Variants in NEK1 observed in about 807,000 individuals in gnomAD.
The protein encoded by NEK1 is NIMA related kinase 1.
In NEK1, 137 loss-of-function variants were observed where a neutral mutation model predicts 182.1. The observed-to-expected ratio is 0.75, with a 90% CI of 0.65 to 0.87. The LOEUF is 0.87. Ranked by LOEUF, NEK1 falls within the 40% of genes least tolerant of loss-of-function variation. The pLI is 0.00. For missense variants in NEK1, 1,391 were observed against 1,494.4 expected, an observed-to-expected ratio of 0.93 and a Z score of 1.14; for synonymous variants, 513 against 492.2, an observed-to-expected ratio of 1.04 and a Z score of -0.56.
intron 31 of NEK1, among the ~76,000 whole-genome samples, chr4:169,419,968 A>C (rs773638458): frequency 6.6e-6 from 1 of 152,202 alleles, no homozygotes; most frequent in Non-Finnish European, 1.5e-5. Context: ...TAAGCCAGTG[A>C]GTGAGTGGTG....
intron 18 of NEK1, 124 bp downstream of exon 18, chr4:169,555,596 A>T (rs1174792380): frequency 3.8e-6 from 5 of 1,305,258 alleles, no homozygotes; most frequent in African/African-American, 1.5e-5. Flanking sequence ...TATTGTACCC[A>T]AGAGGCAAAA....
intron 12 of NEK1, 69 bp from the exon 13 acceptor site, chr4:169,562,265 C>T (rs1763035029): frequency 3.7e-6 from 4 of 1,092,352 alleles, no homozygotes; most frequent in Admixed American, 5.3e-5. Context: ...CCCAAATTTA[C>T]AGAAATTTAA....
chr4:169,408,832 A>G (rs183455646), intron 31 of NEK1, among the ~76,000 whole-genome samples: 1 of 152,344 alleles, frequency 6.6e-6, no homozygotes, highest in African/African-American at 2.4e-5. Flanking sequence ...GTAGTCTTCC[A>G]AGGTACGTAT....
At chr4:169,590,985 T>C (rs1202308044) in intron 5 of NEK1, among the ~76,000 whole-genome samples, 176 bp from the exon 6 acceptor site, 1 of 152,168 alleles carries the variant, frequency 6.6e-6, no homozygotes, top group African/African-American at 2.4e-5. Context: ...CTGCACATAC[T>C]AAATCCAAAA....
intron 10 of NEK1, among the ~76,000 whole-genome samples, chr4:169,582,088 T>C (rs1307464830): frequency 1.3e-5 from 2 of 152,172 alleles, no homozygotes; most frequent in African/African-American, 4.8e-5. Flanking sequence ...AAAACTATGA[T>C]ACCAACAAAG....
chr4:169,436,867 C>A (rs898779656), intron 28 of NEK1, among the ~76,000 whole-genome samples: 11 of 152,228 alleles, frequency 7.2e-5, no homozygotes, highest in African/African-American at 2.7e-4. Flanking sequence ...TTACAGTATC[C>A]TCATAGATAA....
At chr4:169,527,738 T>C (rs1757089764) in intron 19 of NEK1, among the ~76,000 whole-genome samples, 1 of 151,516 alleles carries the variant, frequency 6.6e-6, no homozygotes, top group Non-Finnish European at 1.5e-5. Context: ...AGCAGGGAAA[T>C]GGAAAGAGAG....
intron 31 of NEK1, among the ~76,000 whole-genome samples, chr4:169,410,310 T>C (rs1733449592): frequency 6.6e-6 from 1 of 152,200 alleles, no homozygotes; most frequent in South Asian, 2.1e-4. Flanking sequence ...CTTCAGTTTT[T>C]ATTGCTGGTT....
intron 31 of NEK1, among the ~76,000 whole-genome samples, chr4:169,416,149 C>G (rs941480514): frequency 1.3e-5 from 2 of 152,204 alleles, no homozygotes; most frequent in Non-Finnish European, 2.9e-5. Flanking sequence ...ATCTGAGTTA[C>G]TAAGAACTAG....
rs1032625121 is a variant in NEK1 at position 169,401,820 on chromosome 4, C to T, written c.3415G>A (p.Ala1139Thr). ...ETDTDLQELQ[A>T]SMEQLLREQP... Reference sequence around the variant, plus strand: ...TCCCTAAGTAACTGTTCCATCGAGGCCTGCAGCTCTTGTAAATCTGTGTCA... The same window carrying T: ...TCCCTAAGTAACTGTTCCATCGAGGTCTGCAGCTCTTGTAAATCTGTGTCA... The change falls in exon 33 of 36, where the codon GCC becomes ACC. Residue 1139 changes from alanine (A) to threonine (T), a missense_variant. Coordinates refer to ENST00000507142, the MANE Select transcript of NEK1 (RefSeq NM_001199397.3). 8.7e-6 allele frequency: 14 copies of T among 1,613,256 alleles called. No individual in the cohort carries two copies. In the African/African-American group the frequency reaches 1.6e-4, roughly 18 times the overall value.
chr4:169,404,944 A>C (rs1349842397), intron 32 of NEK1, among the ~76,000 whole-genome samples: 1 of 152,194 alleles, frequency 6.6e-6, no homozygotes, highest in African/African-American at 2.4e-5. Flanking sequence ...CAATCCAATT[A>C]CATGCAGAAA....
intron 2 of NEK1, among the ~76,000 whole-genome samples, chr4:169,610,065 T>C (rs1772058466): frequency 6.6e-6 from 1 of 150,930 alleles, no homozygotes; most frequent in Non-Finnish European, 1.5e-5. Flanking sequence ...TTGCCTAGGC[T>C]GGAATGCAAT....
chr4:169,597,674 C>G (rs1212056847), intron 5 of NEK1, among the ~76,000 whole-genome samples: 2 of 152,024 alleles, frequency 1.3e-5, no homozygotes, highest in Non-Finnish European at 2.9e-5. Context: ...GTGGCTCACG[C>G]CTGTAATCCC....
At chr4:169,576,758 A>C in intron 12 of NEK1, 170 bp downstream of exon 12, 1 of 554,016 alleles carries the variant, frequency 1.8e-6, no homozygotes, top group East Asian at 3.2e-5. Flanking sequence ...ACTTTTTATG[A>C]CTCCTGTAAG....
chr4:169,471,969 G>A (rs1746055794), intron 26 of NEK1, among the ~76,000 whole-genome samples: 1 of 152,062 alleles, frequency 6.6e-6, no homozygotes, highest in African/African-American at 2.4e-5. Flanking sequence ...CCCACACCAA[G>A]CTTGAGCATC....
intron 23 of NEK1, among the ~76,000 whole-genome samples, chr4:169,490,832 C>T (rs1350230637): frequency 6.6e-6 from 1 of 151,954 alleles, no homozygotes; most frequent in Non-Finnish European, 1.5e-5. Flanking sequence ...ACAAATGTCA[C>T]AGTATGAGCT....
At chr4:169,438,886 C>T (rs1738900932) in intron 27 of NEK1, among the ~76,000 whole-genome samples, 1 of 152,178 alleles carries the variant, frequency 6.6e-6, no homozygotes, top group South Asian at 2.1e-4. Flanking sequence ...CTATCTCCAG[C>T]ACTCCAATGG....
intron 18 of NEK1, among the ~76,000 whole-genome samples, chr4:169,543,844 CT>C (rs1392895066): frequency 6.6e-6 from 1 of 152,138 alleles, no homozygotes; most frequent in Non-Finnish European, 1.5e-5. Context: ...TATGCTGAGA[CT>C]TTGTTGAAGT....
chr4:169,428,011 G>A (rs539633424), intron 29 of NEK1, among the ~76,000 whole-genome samples: 1 of 150,816 alleles, frequency 6.6e-6, no homozygotes, highest in East Asian at 2.0e-4. Flanking sequence ...CTGTAGAGGT[G>A]GGGTCTTGCT....
Sources: allele counts gnomAD v4.1 joint callset (sites outside exome capture counted in the v4.1 genomes callset), GRCh38; gene constraint gnomAD v4.1.1; transcripts MANE v1.5; gene names NCBI Gene and HGNC (gene_info 2026-07-23, HGNC 2026-07-21).